ZMYND11: variants seen among roughly 807,000 people sequenced by gnomAD.
ZMYND11 encodes the protein zinc finger MYND domain-containing protein 11.
A neutral mutation model predicts 84.9 loss-of-function variants in ZMYND11; 9 were observed. That is an observed-to-expected ratio of 0.11 (90% CI 0.06 to 0.18). The LOEUF (loss-of-function observed/expected upper bound fraction) is 0.18. ZMYND11 is among the 10% of genes least tolerant of loss of function. The probability of loss-of-function intolerance (pLI) is 1.00; values close to 1 mark genes in which losing one functional copy is unlikely to be tolerated. For synonymous variants in ZMYND11, 250 were observed against 244.1 expected (o/e 1.02, Z -0.23); for missense variants, 409 against 761.0 (o/e 0.54, Z 5.44).
intron 2 of ZMYND11, among the ~76,000 whole-genome samples, chr10:188,936 G>C (rs192992439): frequency 1.8e-4 from 27 of 152,272 alleles, no homozygotes; most frequent in African/African-American, 6.5e-4. Context: ...TTGAAGTATT[G>C]GACCTATATG....
intron 9 of ZMYND11, 66 bp downstream of exon 9, chr10:241,036 T>A: frequency 7.8e-7 from 1 of 1,275,324 alleles, no homozygotes; most frequent in South Asian, 1.3e-5. Context: ...CCAGTTTGGT[T>A]AAAGATTATA....
chr10:150,218 T>A (rs1839984167), intron 1 of ZMYND11, among the ~76,000 whole-genome samples: 1 of 152,200 alleles, frequency 6.6e-6, no homozygotes, highest in Admixed American at 6.5e-5. Context: ...TCTGGTAGAA[T>A]TTGGCTGTGA....
chr10:182,954 G>T (rs1588716410), intron 2 of ZMYND11, among the ~76,000 whole-genome samples: 1 of 152,252 alleles, frequency 6.6e-6, no homozygotes, highest in South Asian at 2.1e-4. Context: ...TTTAAACTTT[G>T]CAGATATCTT....
At chr10:173,062 G>C (rs1436185188) in intron 1 of ZMYND11, among the ~76,000 whole-genome samples, 9 of 151,362 alleles carry the variant, frequency 5.9e-5, no homozygotes, top group African/African-American at 1.9e-4. Flanking sequence ...GAATCATCTA[G>C]GCAAAGACCT....
chr10:151,072 A>G (rs1286408567), intron 1 of ZMYND11, among the ~76,000 whole-genome samples: 2 of 152,206 alleles, frequency 1.3e-5, no homozygotes, highest in African/African-American at 4.8e-5. Context: ...TCTGTACGTC[A>G]CCATCATCAA....
At chr10:218,001 A>G in intron 3 of ZMYND11, among the ~76,000 whole-genome samples, 1 of 152,166 alleles carries the variant, frequency 6.6e-6, no homozygotes. Flanking sequence ...ATGGTGAGGT[A>G]TTGAGTTGAC....
chr10:151,561 T>C (rs1840378720), intron 1 of ZMYND11, among the ~76,000 whole-genome samples: 1 of 152,132 alleles, frequency 6.6e-6, no homozygotes, highest in Non-Finnish European at 1.5e-5. Context: ...AATATGGGAC[T>C]ATGTGAAAAG....
At position 225,366 on chromosome 10, in the gene ZMYND11, T is replaced by TTGTC. The variant is rs1554782234; in HGVS notation, c.438+4011_438+4012insGTCT. Among the ~76,000 whole-genome samples the TTGTC allele has an allele frequency of 4.3e-3, 650 of 151,796 alleles. 1 individual carries two copies. Among genetic ancestry groups the TTGTC allele is most frequent in the Non-Finnish European group, 5.4e-3 (369 of 67,904 alleles). ...TTGTTTTTTTGTTTTTTATGTGTGT[T>TTGTC]TTTAGGCAGGATCTTGTTCTGTCAC... is the stretch of plus-strand genomic sequence containing the variant. On this transcript the variant is annotated intron_variant, in intron 4 of 14. Coordinates refer to ENST00000381604, the MANE Select transcript of ZMYND11 (RefSeq NM_001370100.5).
At chr10:157,084 G>A (rs1470509267) in intron 1 of ZMYND11, among the ~76,000 whole-genome samples, 1 of 152,146 alleles carries the variant, frequency 6.6e-6, no homozygotes, top group Non-Finnish European at 1.5e-5. Context: ...TTGATGCCTA[G>A]CACTTGGCAA....
At chr10:234,707 G>A (rs1949627602) in intron 4 of ZMYND11, among the ~76,000 whole-genome samples, 1 of 152,174 alleles carries the variant, frequency 6.6e-6, no homozygotes, top group Non-Finnish European at 1.5e-5. Flanking sequence ...CTCCTTTTAA[G>A]AAGAATGTAC....
In ZMYND11 at chr10:176,885, G is replaced by T. The variant is rs139773705; in HGVS notation, c.-19-3109G>T. On this transcript the variant is annotated intron_variant, in intron 1 of 14. Transcript: ENST00000381604. ...GGTGTGAAGTTTGGGAGCATAATTG[G>T]GAACTGTGAGCAGTAATGCAATGTG... Among the ~76,000 whole-genome samples, 31 of 152,248 alleles carry T rather than the reference G, an allele frequency of 2.0e-4. No individual in the cohort carries two copies. In the East Asian group the frequency reaches 5.4e-3, roughly 27 times the overall value.
Position 221,314 on chromosome 10 carries a change from G to T in ZMYND11, c.396G>T (p.Arg132Ser). 6.2e-7 allele frequency: 1 copy of T among 1,613,950 alleles called. No individual in the cohort carries two copies. ...YHSKCLSDEF[R>S]LRDSSSPWQC... ...CCAAGTGTTTGTCTGATGAGTTCAG[G>T]CTTAGAGACAGCAGTAGTCCCTGGC... Residue 132 changes from arginine to serine, a missense_variant, in exon 4 of 15, where the codon AGG becomes AGT. Coordinates refer to ENST00000381604, the MANE Select transcript of ZMYND11 (RefSeq NM_001370100.5).
chr10:230,899 C>G (rs538684072), intron 4 of ZMYND11, among the ~76,000 whole-genome samples: 14 of 152,292 alleles, frequency 9.2e-5, no homozygotes, highest in Non-Finnish European at 1.5e-4. Context: ...CTATGCACCG[C>G]TGAAATTGAC....
intron 11 of ZMYND11, 140 bp from the exon 12 acceptor site, chr10:247,258 T>C: frequency 1.0e-6 from 1 of 989,372 alleles, no homozygotes; most frequent in Non-Finnish European, 1.5e-6. Context: ...GTAAATTAAG[T>C]CAGTGGTAAC....
intron 2 of ZMYND11, among the ~76,000 whole-genome samples, chr10:198,577 T>A (rs1019123564): frequency 3.3e-5 from 5 of 152,222 alleles, no homozygotes; most frequent in African/African-American, 1.2e-4. Context: ...AAAGGGTTCA[T>A]ATTTTAGTGT....
At chr10:247,347 G>C (rs1286692681) in intron 11 of ZMYND11, 51 bp from the exon 12 acceptor site, 53 of 1,596,012 alleles carry the variant, frequency 3.3e-5, no homozygotes, top group Non-Finnish European at 4.4e-5. Flanking sequence ...TTTCAGCAGA[G>C]AAGTATTTTC....
At chr10:150,652 C>G (rs1840112160) in intron 1 of ZMYND11, among the ~76,000 whole-genome samples, 1 of 152,226 alleles carries the variant, frequency 6.6e-6, no homozygotes, top group Non-Finnish European at 1.5e-5. Context: ...TAGACCACCT[C>G]TGGGGGCAGG....
At chr10:162,312 CAAT>C (rs1157358728) in intron 1 of ZMYND11, among the ~76,000 whole-genome samples, 1 of 152,026 alleles carries the variant, frequency 6.6e-6, no homozygotes, top group Non-Finnish European at 1.5e-5. Flanking sequence ...CACCATAACT[CAAT>C]AACAATAATG....
intron 2 of ZMYND11, among the ~76,000 whole-genome samples, chr10:192,569 GGTCT>G (rs1388089548): frequency 2.0e-5 from 3 of 152,184 alleles, no homozygotes; most frequent in African/African-American, 7.2e-5. Context: ...GGAATTTGTT[GGTCT>G]GTCTGTCCAG....
Sources: gnomAD v4.1 joint callset for allele counts (sites outside exome capture counted in the v4.1 genomes callset) on GRCh38, gnomAD v4.1.1 for gene constraint, MANE v1.5 for transcripts, NCBI Gene and HGNC (gene_info 2026-07-23, HGNC 2026-07-21) for gene names.